Variants in FRA10AC1 observed in about 807,000 individuals in gnomAD.
FRA10AC1 encodes the protein FRA10A associated CGG repeat 1.
A neutral mutation model predicts 56.5 loss-of-function variants in FRA10AC1; 43 were observed. The observed-to-expected ratio is 0.76, with a 90% CI of 0.60 to 0.98. The LOEUF is 0.98. FRA10AC1 is among the 50% of genes least tolerant of loss of function. The pLI is 0.00. For synonymous variants in FRA10AC1, 112 were observed against 110.5 expected (o/e 1.01, Z -0.09); for missense variants, 346 against 351.8 (o/e 0.98, Z 0.13).
chr10:93,692,352 C>A (rs1435698424), intron 6 of FRA10AC1, among the ~76,000 whole-genome samples: 3 of 152,096 alleles, frequency 2.0e-5, no homozygotes, highest in African/African-American at 7.2e-5. Context: ...TTTAAAAAAA[C>A]ATTTTCAGGT....
Position 93,669,722 on chromosome 10 carries a change from A to C in FRA10AC1, c.*104T>G, listed in dbSNP as rs2058731348. On this transcript the variant is annotated 3_prime_UTR_variant, in exon 14 of 14. Transcript: ENST00000359204. ...TTTTATTTCCAAAGACAAACCACAC[A>C]AGCTGTAACTTGCAGATAAAAACTT... 2 of 739,526 alleles carry C rather than the reference A, an allele frequency of 2.7e-6. No homozygotes were observed. The allele number at this position is 739,526 out of a possible 1,614,324, so 45.8% of individuals were successfully genotyped here.
chr10:93,675,670 A>T (rs960891875), intron 12 of FRA10AC1: 2 of 377,772 alleles, frequency 5.3e-6, no homozygotes, highest in African/African-American at 2.1e-5. Flanking sequence ...GCGCCACTGC[A>T]CTCCAACCTG....
At chr10:93,673,424 T>G (rs1336503684) in intron 12 of FRA10AC1, 1 of 451,876 alleles carries the variant, frequency 2.2e-6, no homozygotes, top group Non-Finnish European at 4.4e-6. Context: ...TTTTTCTTCT[T>G]GACCTGCTTC....
chr10:93,670,566 G>C (rs997045951), intron 13 of FRA10AC1, among the ~76,000 whole-genome samples: 1 of 152,060 alleles, frequency 6.6e-6, no homozygotes, highest in Non-Finnish European at 1.5e-5. Flanking sequence ...GTGAACTGAT[G>C]AAAGATTTAT....
At chr10:93,690,935 T>C (rs565355782) in intron 7 of FRA10AC1, among the ~76,000 whole-genome samples, 26 of 152,292 alleles carry the variant, frequency 1.7e-4, no homozygotes, top group Non-Finnish European at 2.9e-4. Context: ...ACACACATAT[T>C]AAAGGCACTA....
intron 12 of FRA10AC1, among the ~76,000 whole-genome samples, chr10:93,675,943 C>G (rs955484461): frequency 1.3e-5 from 2 of 152,168 alleles, no homozygotes; most frequent in Non-Finnish European, 2.9e-5. Flanking sequence ...ATAGAAGACT[C>G]TTCTCTCAAA....
intron 1 of FRA10AC1, among the ~76,000 whole-genome samples, chr10:93,700,348 G>A (rs2059310291): frequency 1.3e-5 from 2 of 152,138 alleles, no homozygotes; most frequent in African/African-American, 2.4e-5. Flanking sequence ...AACAAAGAAG[G>A]CTACTCTTTG....
rs766504264 is a variant in FRA10AC1, at chr10:93,676,696, A to G, written c.788-5T>C. The G allele has an allele frequency of 6.4e-7, 1 of 1,569,450 alleles. No homozygotes were observed. Among genetic ancestry groups the G allele is most frequent in the South Asian group, 1.2e-5 (1 of 83,696 alleles). ...ATTTCTTTGAAGATGAATGTCCTGA[A>G]AAGGAAACATCATTGATTTATTAAC... On this transcript the variant is annotated splice_region_variant and splice_polypyrimidine_tract_variant and intron_variant, in intron 11 of 13. Transcript: ENST00000359204.
At chr10:93,686,631 A>G (rs1276242291) in intron 8 of FRA10AC1, among the ~76,000 whole-genome samples, 1 of 142,888 alleles carries the variant, frequency 7.0e-6, no homozygotes, top group East Asian at 2.0e-4. Context: ...AACATAGCCA[A>G]CTTATGGAAG....
chr10:93,670,362 G>T (rs1334367156), intron 13 of FRA10AC1, among the ~76,000 whole-genome samples: 1 of 152,108 alleles, frequency 6.6e-6, no homozygotes, highest in Non-Finnish European at 1.5e-5. Flanking sequence ...TTATGTATTT[G>T]TAACAGTAAA....
chr10:93,700,593 G>C (rs998163685), intron 1 of FRA10AC1, among the ~76,000 whole-genome samples: 2 of 152,216 alleles, frequency 1.3e-5, no homozygotes, highest in African/African-American at 4.8e-5. Flanking sequence ...AATCCAGTAA[G>C]TGGCTAATCT....
intron 12 of FRA10AC1, chr10:93,673,380 C>T: frequency 2.2e-6 from 1 of 456,446 alleles, no homozygotes; most frequent in South Asian, 1.6e-5. Context: ...ATTCTTCCTA[C>T]AATATAATTT....
chr10:93,701,487 T>G (rs2059331083), intron 1 of FRA10AC1, among the ~76,000 whole-genome samples: 1 of 152,196 alleles, frequency 6.6e-6, no homozygotes, highest in Non-Finnish European at 1.5e-5. Context: ...ATCTTTAAGT[T>G]GTTTAAATCT....
intron 1 of FRA10AC1, among the ~76,000 whole-genome samples, chr10:93,701,748 ACT>A (rs1273903149): frequency 1.3e-5 from 2 of 151,652 alleles, no homozygotes; most frequent in Non-Finnish European, 2.9e-5. Flanking sequence ...TTGTCCTCTC[ACT>A]CTTTGTCCTA....
chr10:93,695,654 C>G (rs750755947), intron 4 of FRA10AC1, among the ~76,000 whole-genome samples: 1 of 151,716 alleles, frequency 6.6e-6, no homozygotes, highest in Non-Finnish European at 1.5e-5. Flanking sequence ...AGTGATTTAA[C>G]TGATCATAAT....
At chr10:93,689,450 A>G (rs2059087542) in intron 7 of FRA10AC1, among the ~76,000 whole-genome samples, 1 of 152,122 alleles carries the variant, frequency 6.6e-6, no homozygotes, top group South Asian at 2.1e-4. Context: ...TTTTCAGCCT[A>G]TATATGTATG....
chr10:93,699,594 C>T (rs1304973559), intron 2 of FRA10AC1, among the ~76,000 whole-genome samples: 1 of 152,186 alleles, frequency 6.6e-6, no homozygotes, highest in Non-Finnish European at 1.5e-5. Context: ...CCTTAGTCTG[C>T]TCATTCACGT....
intron 12 of FRA10AC1, chr10:93,672,917 C>T (rs908149021): frequency 6.2e-6 from 1 of 162,338 alleles, no homozygotes; most frequent in African/African-American, 2.4e-5. Context: ...AAGGAAATAA[C>T]AATTGGAAGA....
intron 1 of FRA10AC1, 55 bp from the exon 2 acceptor site, chr10:93,700,161 A>G: frequency 1.0e-6 from 1 of 990,398 alleles, no homozygotes; most frequent in Non-Finnish European, 1.6e-6. Flanking sequence ...ATTGTCCAGG[A>G]AACAATAATT....
Sources: allele counts gnomAD v4.1 joint callset (sites outside exome capture counted in the v4.1 genomes callset), GRCh38; gene constraint gnomAD v4.1.1; transcripts MANE v1.5; gene names NCBI Gene and HGNC (gene_info 2026-07-23, HGNC 2026-07-21).